Variants in GLCCI1 observed in about 807,000 individuals in gnomAD.
GLCCI1 encodes the protein glucocorticoid induced 1.
GLCCI1 carries 24 observed loss-of-function variants against 52.2 expected under a neutral mutation model. The ratio of observed to expected loss-of-function variants is 0.46; its 90% CI spans 0.33 to 0.65. GLCCI1 has a LOEUF of 0.65. Ranked by LOEUF, GLCCI1 falls within the 30% of genes least tolerant of loss-of-function variation. GLCCI1 has a pLI of 0.02. For synonymous variants in GLCCI1, 310 were observed against 276.5 expected, an observed-to-expected ratio of 1.12 and a Z score of -1.20; for missense variants, 704 against 701.5, an observed-to-expected ratio of 1.00 and a Z score of -0.04.
intron 1 of GLCCI1, chr7:7,981,214 G>A (rs1317790851): frequency 1.0e-5 from 3 of 298,248 alleles, no homozygotes; most frequent in African/African-American, 7.1e-5. Context: ...ATCTGGGACT[G>A]GAAGACAGGA....
intron 4 of GLCCI1, among the ~76,000 whole-genome samples, chr7:8,059,349 C>T (rs1782466393): frequency 6.6e-6 from 1 of 152,166 alleles, no homozygotes; most frequent in South Asian, 2.1e-4. Context: ...AGCAGTCTAC[C>T]TTATCACAGA....
chr7:8,016,947 T>C (rs1359139235), intron 2 of GLCCI1, among the ~76,000 whole-genome samples: 1 of 152,180 alleles, frequency 6.6e-6, no homozygotes, highest in Non-Finnish European at 1.5e-5. Flanking sequence ...TGGTAGGAAA[T>C]GGCATAGAAA....
intron 6 of GLCCI1, among the ~76,000 whole-genome samples, chr7:8,072,696 A>G (rs939654906): frequency 1.3e-5 from 2 of 152,154 alleles, no homozygotes; most frequent in African/African-American, 4.8e-5. Context: ...CTTCATTCCA[A>G]ACTCATATTC....
At chr7:8,048,252 T>A (rs1167706033) in intron 3 of GLCCI1, among the ~76,000 whole-genome samples, 1 of 152,172 alleles carries the variant, frequency 6.6e-6, no homozygotes. Flanking sequence ...TATCTCTTAC[T>A]CTCTCTTAGC....
chr7:8,046,933 T>G (rs1782142254), intron 3 of GLCCI1, among the ~76,000 whole-genome samples: 1 of 152,160 alleles, frequency 6.6e-6, no homozygotes, highest in African/African-American at 2.4e-5. Flanking sequence ...GTTGAAAATT[T>G]GTTAGATTTG....
In GLCCI1 at chr7:8,088,218, AATG is replaced by A. The variant is rs1201204489; in HGVS notation, c.*1683_*1685del. ...ACACCATTGATTTTTTTTTTTAAGA[AATG>A]ATATATATATGTATATGTTTGTGTG... On this transcript the variant is annotated 3_prime_UTR_variant, in exon 8 of 8. Transcript: ENST00000223145. 1.4e-5 allele frequency: 2 copies of A among 140,686 alleles called. No individual in the cohort carries two copies. Among genetic ancestry groups the A allele is most frequent in the Non-Finnish European group, 3.1e-5 (2 of 65,376 alleles). 8.7% of individuals were successfully genotyped at this position (140,686 alleles called of 1,614,324 possible).
intron 3 of GLCCI1, among the ~76,000 whole-genome samples, chr7:8,031,582 C>T (rs958103296): frequency 6.6e-6 from 1 of 152,002 alleles, no homozygotes; most frequent in Non-Finnish European, 1.5e-5. Context: ...AATAAATGCT[C>T]TAGGGGATAG....
chr7:8,060,657 T>A (rs1191678411), intron 5 of GLCCI1, among the ~76,000 whole-genome samples: 1 of 152,230 alleles, frequency 6.6e-6, no homozygotes, highest in African/African-American at 2.4e-5. Context: ...TAGCCTGTTA[T>A]CAGTGACTTC....
chr7:8,067,580 C>G (rs974772008), intron 5 of GLCCI1, among the ~76,000 whole-genome samples: 2 of 152,176 alleles, frequency 1.3e-5, no homozygotes, highest in Non-Finnish European at 2.9e-5. Flanking sequence ...GTAATGAATT[C>G]TCTTACCATT....
chr7:7,987,159 C>T (rs1780753166), intron 1 of GLCCI1, among the ~76,000 whole-genome samples: 1 of 152,154 alleles, frequency 6.6e-6, no homozygotes, highest in African/African-American at 2.4e-5. Flanking sequence ...GTAAAAGACT[C>T]ATCTCACTAT....
chr7:7,975,345 C>T (rs1780442013), intron 1 of GLCCI1, among the ~76,000 whole-genome samples: 1 of 152,188 alleles, frequency 6.6e-6, no homozygotes, highest in Non-Finnish European at 1.5e-5. Context: ...ATACCAAGTT[C>T]ATGAATACCT....
chr7:8,006,622 C>CAATATACTATAT (rs1781155975), intron 2 of GLCCI1, among the ~76,000 whole-genome samples: 1 of 152,164 alleles, frequency 6.6e-6, no homozygotes, highest in Non-Finnish European at 1.5e-5. Context: ...ACTATATGTA[C>CAATATACTATAT]GTAAGTTAAA....
At chr7:8,058,804 T>C (rs921250721) in intron 4 of GLCCI1, among the ~76,000 whole-genome samples, 3 of 152,214 alleles carry the variant, frequency 2.0e-5, no homozygotes, top group Non-Finnish European at 2.9e-5. Flanking sequence ...TTTATAACTT[T>C]TGGGTTCCCA....
At chr7:7,984,638 AG>A (rs1780686733) in intron 1 of GLCCI1, among the ~76,000 whole-genome samples, 1 of 152,244 alleles carries the variant, frequency 6.6e-6, no homozygotes, top group Middle Eastern at 3.2e-3. Flanking sequence ...CAAACTTTTT[AG>A]GAAGTCAGTT....
chr7:8,048,330 C>G (rs987917238), intron 3 of GLCCI1, among the ~76,000 whole-genome samples: 6 of 152,038 alleles, frequency 3.9e-5, no homozygotes, highest in African/African-American at 1.4e-4. Context: ...CTTGGTGGCC[C>G]TCTTAAGAAG....
At chr7:8,030,597 T>G (rs1305580215) in intron 3 of GLCCI1, among the ~76,000 whole-genome samples, 2 of 151,928 alleles carry the variant, frequency 1.3e-5, no homozygotes, top group African/African-American at 2.4e-5. Context: ...TGAAGAGACA[T>G]CCCACAGAAT....
intron 6 of GLCCI1, among the ~76,000 whole-genome samples, chr7:8,079,880 T>C (rs1782959988): frequency 6.6e-6 from 1 of 151,624 alleles, no homozygotes; most frequent in Non-Finnish European, 1.5e-5. Flanking sequence ...TGATGTCATT[T>C]TTCCCCTGTA....
chr7:8,035,714 T>G (rs559567939), intron 3 of GLCCI1, among the ~76,000 whole-genome samples: 1 of 152,274 alleles, frequency 6.6e-6, no homozygotes, highest in South Asian at 2.1e-4. Flanking sequence ...CACTGCAGTG[T>G]GGATATAGAC....
intron 1 of GLCCI1, among the ~76,000 whole-genome samples, chr7:7,999,004 G>A (rs1781000296): frequency 6.6e-6 from 1 of 150,992 alleles, no homozygotes; most frequent in Non-Finnish European, 1.5e-5. Flanking sequence ...TAAAATATTA[G>A]CAATATCATA....
Sources: allele counts gnomAD v4.1 joint callset (sites outside exome capture counted in the v4.1 genomes callset), GRCh38; gene constraint gnomAD v4.1.1; transcripts MANE v1.5; gene names NCBI Gene and HGNC (gene_info 2026-07-23, HGNC 2026-07-21).